SUPT6H: variants seen among roughly 807,000 people sequenced by gnomAD.
The protein encoded by SUPT6H is SPT6 homolog, histone chaperone and transcription elongation factor.
In SUPT6H, 11 loss-of-function variants were observed where a neutral mutation model predicts 222.3. That is an observed-to-expected ratio of 0.05 (90% CI 0.03 to 0.08). SUPT6H has a LOEUF of 0.08. SUPT6H is among the 10% of genes least tolerant of loss of function. The pLI is 1.00. For synonymous variants in SUPT6H, 762 were observed against 801.2 expected (o/e 0.95, Z 0.83); for missense variants, 1,422 against 2,216.0 (o/e 0.64, Z 7.19).
intron 4 of SUPT6H, 177 bp from the exon 5 acceptor site, chr17:28,674,793 A>G: frequency 1.1e-6 from 1 of 944,664 alleles, no homozygotes; most frequent in East Asian, 2.6e-5. Flanking sequence ...TGTTAGAGAA[A>G]GTCTTGTCCA....
chr17:28,678,888 A>T lies in SUPT6H; in HGVS notation c.1274A>T (p.Tyr425Phe). Residue 425 changes from tyrosine to phenylalanine, a missense_variant, in exon 11 of 37, where the codon TAT becomes TTT. Tyr to Phe is a conservative substitution (Grantham distance 22). Coordinates refer to ENST00000314616, the MANE Select transcript of SUPT6H (RefSeq NM_003170.5). ...TTTGAGAAGATGCAGGCTTATCAGT[A>T]TGAACAGATCTCTGCTGACCCTGAC... ...RLFEKMQAYQ[Y>F]EQISADPDKP... 6.2e-7 allele frequency: 1 copy of T among 1,614,214 alleles called. No individual in the cohort carries two copies. The highest frequency in any genetic ancestry group is 8.5e-7 in the Non-Finnish European group (1 of 1,180,036).
At chr17:28,675,685 A>G (rs575417515) in intron 6 of SUPT6H, among the ~76,000 whole-genome samples, 200 bp downstream of exon 6, 38 of 152,194 alleles carry the variant, frequency 2.5e-4, no homozygotes, top group Non-Finnish European at 8.8e-5. Flanking sequence ...CTCTAGGACT[A>G]CTGTGGGATT....
intron 1 of SUPT6H, among the ~76,000 whole-genome samples, chr17:28,666,321 G>A (rs2030006247): frequency 6.6e-6 from 1 of 152,186 alleles, no homozygotes; most frequent in Admixed American, 6.5e-5. Context: ...TACATGTTAT[G>A]TATGCTGTGC....
intron 6 of SUPT6H, among the ~76,000 whole-genome samples, chr17:28,675,943 G>T (rs1438118529): frequency 6.6e-6 from 1 of 152,178 alleles, no homozygotes; most frequent in Admixed American, 6.5e-5. Flanking sequence ...TCACTCGAAG[G>T]TGCCAAAGAT....
chr17:28,699,985 G>C, intron 33 of SUPT6H, 92 bp downstream of exon 33: 5 of 1,406,148 alleles, frequency 3.6e-6, no homozygotes, highest in Non-Finnish European at 5.0e-6. Flanking sequence ...ACCAGGTGAG[G>C]AGTAGGCTGT....
rs376592355 is a variant in SUPT6H at position 28,700,371 on chromosome 17, G to A, written c.4665G>A (p.Leu1555=). The part of the protein sequence containing the change: ...LADLTRAVNA[L]PQNMTSQMFS... ...ATCTGACACGGGCTGTGAATGCCCT[G>A]CCTCAGAACATGACTTCACAGATGT... Residue 1555 remains leucine (L), a synonymous_variant, in exon 35 of 37, where the codon CTG becomes CTA. Transcript: ENST00000314616. The A allele has an allele frequency of 5.0e-5, 80 of 1,614,094 alleles. No homozygotes were observed. Among genetic ancestry groups the A allele is most frequent in the Non-Finnish European group, 6.6e-5 (78 of 1,180,048 alleles).
chr17:28,681,703 G>A (rs9896098), intron 12 of SUPT6H, among the ~76,000 whole-genome samples, 179 bp from the exon 13 acceptor site: 15,005 of 148,708 alleles, frequency 0.1, 804 homozygotes, highest in South Asian at 0.15. Flanking sequence ...ACAAACCGAG[G>A]CTGTGTCTCA....
chr17:28,684,535 A>G (rs1436521814), intron 17 of SUPT6H, 51 bp from the exon 18 acceptor site: 20 of 1,607,782 alleles, frequency 1.2e-5, no homozygotes, highest in Non-Finnish European at 1.4e-5. Context: ...GGTGAGCCTG[A>G]TGACCATAAT....
At chr17:28,689,234 T>G in intron 24 of SUPT6H, 120 bp from the exon 25 acceptor site, 1 of 820,568 alleles carries the variant, frequency 1.2e-6, no homozygotes, top group Non-Finnish European at 1.9e-6. Context: ...AATGGCTGTA[T>G]AGTATTCCAT....
At position 28,678,531 on chromosome 17, in the gene SUPT6H, C is replaced by G; in HGVS notation, c.1117-14C>G. On this transcript the variant is annotated splice_polypyrimidine_tract_variant and intron_variant, in intron 9 of 36. Coordinates refer to ENST00000314616, the MANE Select transcript of SUPT6H (RefSeq NM_003170.5). ...TGTCTTCTCTGAGTGACTGCAGTCT[C>G]TTTGCCATCCTAGGTGCCTTTTATT... 1 of 1,613,712 alleles carries G rather than the reference C, an allele frequency of 6.2e-7. No individual in the cohort carries two copies. The highest frequency in any genetic ancestry group is 8.5e-7 in the Non-Finnish European group (1 of 1,179,622).
intron 1 of SUPT6H, among the ~76,000 whole-genome samples, chr17:28,668,848 T>C (rs2030247548): frequency 6.6e-6 from 1 of 152,212 alleles, no homozygotes; most frequent in African/African-American, 2.4e-5. Flanking sequence ...ATTAGAGCTC[T>C]AGATTTAATT....
In SUPT6H at chr17:28,676,398, A is replaced by G. The variant is rs1291432502; in HGVS notation, c.865A>G (p.Ile289Val). The part of the protein sequence containing the change: ...SSHLTDQDNE[I>V]RATDLPERFQ... ...CCACCTCACAGATCAGGACAATGAA[A>G]TCCGAGCCACTGACCTGCCTGAGAG... Residue 289 changes from isoleucine (I) to valine (V), a missense_variant, in exon 7 of 37, where the codon ATC becomes GTC. Physicochemically the swap from Ile to Val is conservative, Grantham distance 29. This residue lies in a region of SUPT6H where 389 missense variants were observed against 544.6 expected (regional missense o/e 0.71). Coordinates refer to ENST00000314616, the MANE Select transcript of SUPT6H (RefSeq NM_003170.5). 2 of 1,613,930 alleles carry G rather than the reference A, an allele frequency of 1.2e-6. No individual in the cohort carries two copies. Among genetic ancestry groups the G allele is most frequent in the Non-Finnish European group, 1.7e-6 (2 of 1,180,008 alleles).
chr17:28,683,159 T>G, intron 15 of SUPT6H, 67 bp downstream of exon 15: 1 of 1,564,306 alleles, frequency 6.4e-7, no homozygotes, highest in East Asian at 2.3e-5. Flanking sequence ...CTGAGTTTCT[T>G]GCCTTCCACT....
At chr17:28,700,675 G>C in intron 35 of SUPT6H, 163 bp downstream of exon 35, 1 of 1,047,160 alleles carries the variant, frequency 9.5e-7, no homozygotes, top group Admixed American at 2.8e-5. Flanking sequence ...AAGGGGAAGA[G>C]GGTAAGAGAG....
At chr17:28,667,477 ATG>A (rs1222498003) in intron 1 of SUPT6H, among the ~76,000 whole-genome samples, 20 of 134,842 alleles carry the variant, frequency 1.5e-4, no homozygotes, top group Non-Finnish European at 2.5e-4. Context: ...ATGTGTATAT[ATG>A]TGTGTGTATA....
chr17:28,672,254 A>C (rs2030463121), intron 1 of SUPT6H, among the ~76,000 whole-genome samples: 1 of 152,086 alleles, frequency 6.6e-6, no homozygotes, highest in Non-Finnish European at 1.5e-5. Flanking sequence ...ACATAATCTC[A>C]CTCTACCACC....
intron 1 of SUPT6H, among the ~76,000 whole-genome samples, chr17:28,672,088 A>G (rs1193291446): frequency 6.6e-6 from 1 of 152,236 alleles, no homozygotes; most frequent in Non-Finnish European, 1.5e-5. Context: ...ACTCACACAA[A>G]TTGGCTCAAG....
chr17:28,695,600 A>C, intron 29 of SUPT6H, 53 bp downstream of exon 29: 1 of 1,559,016 alleles, frequency 6.4e-7, no homozygotes, highest in South Asian at 1.2e-5. Flanking sequence ...CAGTTCTCCC[A>C]GTGCAGGATT....
chr17:28,690,708 AGGT>A (rs2031599785), intron 26 of SUPT6H, among the ~76,000 whole-genome samples: 1 of 152,240 alleles, frequency 6.6e-6, no homozygotes, highest in African/African-American at 2.4e-5. Context: ...TGGGAGGCAG[AGGT>A]TACAGTCAGC....
Sources: gnomAD v4.1 joint callset for allele counts (sites outside exome capture counted in the v4.1 genomes callset) on GRCh38, gnomAD v4.1.1 for gene constraint, gnomAD v4.1.1 regional missense constraint, MANE v1.5 for transcripts, NCBI Gene and HGNC (gene_info 2026-07-23, HGNC 2026-07-21) for gene names.